The following GRM8 variants were observed in gnomAD, a reference collection of about 807,000 sequenced individuals.
GRM8 encodes the protein glutamate metabotropic receptor 8.
GRM8 carries 47 observed loss-of-function variants against 87.2 expected under a neutral mutation model. That is an observed-to-expected ratio of 0.54 (90% confidence interval 0.43 to 0.69). The LOEUF (loss-of-function observed/expected upper bound fraction) is 0.69. Among genes scored for constraint, GRM8 ranks in the 30% least tolerant of loss-of-function variants. GRM8 has a pLI of 0.00. For missense variants in GRM8, 1,019 were observed against 1,139.2 expected (o/e 0.89, Z 1.52); for synonymous variants, 396 against 404.5 (o/e 0.98, Z 0.25).
intron 1 of GRM8, among the ~76,000 whole-genome samples, chr7:127,247,910 T>C (rs538606886): frequency 6.6e-6 from 1 of 152,302 alleles, no homozygotes; most frequent in South Asian, 2.1e-4. Context: ...AGTGAGAGGA[T>C]TGTGAAAGCT....
At chr7:126,626,196 G>C (rs1239588053) in intron 7 of GRM8, among the ~76,000 whole-genome samples, 1 of 151,700 alleles carries the variant, frequency 6.6e-6, no homozygotes, top group Non-Finnish European at 1.5e-5. Flanking sequence ...CTAGTCCATT[G>C]TGTTGGTGGA....
chr7:127,011,882 A>T (rs921442317), intron 3 of GRM8, among the ~76,000 whole-genome samples: 3 of 152,182 alleles, frequency 2.0e-5, no homozygotes, highest in African/African-American at 7.2e-5. Flanking sequence ...CCTCTAATCC[A>T]GCCTCTCATT....
At chr7:126,459,699 A>T (rs1484792480) in intron 9 of GRM8, among the ~76,000 whole-genome samples, 1 of 151,380 alleles carries the variant, frequency 6.6e-6, no homozygotes, top group Non-Finnish European at 1.5e-5. Context: ...GGCTCCACTC[A>T]CCCCTTATCC....
At chr7:126,911,396 A>T (rs934984382) in intron 3 of GRM8, among the ~76,000 whole-genome samples, 3 of 152,302 alleles carry the variant, frequency 2.0e-5, no homozygotes, top group African/African-American at 7.2e-5. Flanking sequence ...AGTAGTAAAG[A>T]TTTGGCTCCA....
At chr7:127,125,485 C>T (rs1380860236) in intron 2 of GRM8, among the ~76,000 whole-genome samples, 1 of 151,868 alleles carries the variant, frequency 6.6e-6, no homozygotes, top group African/African-American at 2.4e-5. Flanking sequence ...TAAAACTATA[C>T]AGCAGTACAC....
Position 126,992,806 on chromosome 7 carries a change from C to CGTGTGT in GRM8, c.728-88129_728-88124dup, listed in dbSNP as rs34876222. On this transcript the variant is annotated intron_variant, in intron 3 of 10. Transcript: ENST00000339582. The stretch of plus-strand genomic sequence containing the variant: ...CCAGAGAGCGTGCCATCTCTCTCTC[C>CGTGTGT]GTGTGTGTGTGTGTGTGTGTGTATG... Among the ~76,000 whole-genome samples the CGTGTGT allele has an allele frequency of 1.2e-4, 17 of 147,418 alleles. No homozygotes were observed. The East Asian group carries it at 2.4e-3, about 21-fold the overall frequency.
At chr7:126,978,315 C>T (rs1165223899) in intron 3 of GRM8, among the ~76,000 whole-genome samples, 1 of 152,086 alleles carries the variant, frequency 6.6e-6, no homozygotes, top group South Asian at 2.1e-4. Flanking sequence ...CCATGAAGTA[C>T]TGCAATACAA....
At chr7:126,540,949 G>A (rs541856090) in intron 8 of GRM8, among the ~76,000 whole-genome samples, 2 of 152,212 alleles carry the variant, frequency 1.3e-5, no homozygotes. Flanking sequence ...TTTAAAAAAT[G>A]TGGAGACTAT....
chr7:126,490,266 A>ATT (rs2150636016), intron 9 of GRM8, among the ~76,000 whole-genome samples: 1 of 152,154 alleles, frequency 6.6e-6, no homozygotes, highest in Admixed American at 6.5e-5. Context: ...GTTCTCTAAT[A>ATT]TGACCACCTC....
At chr7:126,921,190 C>A (rs1395407034) in intron 3 of GRM8, among the ~76,000 whole-genome samples, 4 of 152,022 alleles carry the variant, frequency 2.6e-5, no homozygotes, top group Admixed American at 2.6e-4. Flanking sequence ...TGTGTCCATG[C>A]AACAAGAATA....
intron 6 of GRM8, among the ~76,000 whole-genome samples, chr7:126,886,278 G>T (rs1325028150): frequency 6.6e-6 from 1 of 152,126 alleles, no homozygotes; most frequent in Non-Finnish European, 1.5e-5. Context: ...GAAATTTCAT[G>T]TTAGCAAAAT....
intron 2 of GRM8, among the ~76,000 whole-genome samples, chr7:127,141,058 C>A (rs1206494104): frequency 1.3e-5 from 2 of 152,032 alleles, no homozygotes; most frequent in Non-Finnish European, 2.9e-5. Flanking sequence ...CCAAATATTA[C>A]CTTCTTTGGA....
chr7:126,788,418 A>AC (rs1820884572), intron 6 of GRM8, among the ~76,000 whole-genome samples: 4 of 149,368 alleles, frequency 2.7e-5, no homozygotes, highest in Non-Finnish European at 4.4e-5. Flanking sequence ...TCAAAAAAAA[A>AC]AAAAACCCTT....
chr7:127,015,676 G>A (rs1458785812), intron 3 of GRM8, among the ~76,000 whole-genome samples: 2 of 152,068 alleles, frequency 1.3e-5, no homozygotes, highest in African/African-American at 4.8e-5. Context: ...TCCATAAAAT[G>A]ATAAAGAGAA....
chr7:126,685,174 G>A lies in GRM8; in HGVS notation c.1358-75676C>T, dbSNP rs1169842547. ...TGCTATGGGGAGTTCATGGGGAAGA[G>A]GCGAATAGTCCCTAGAGACTTCCCC... On this transcript the variant is annotated intron_variant, in intron 7 of 10. Transcript: ENST00000339582. This position sits in a 1 kb window ranked among gnomAD's most constrained non-coding sequence, Gnocchi z 4.2. Among the ~76,000 whole-genome samples the A allele has an allele frequency of 2.0e-5, 3 of 152,222 alleles. No homozygotes were observed. The highest frequency in any genetic ancestry group is 2.9e-5 in the Non-Finnish European group (2 of 68,030).
intron 3 of GRM8, among the ~76,000 whole-genome samples, chr7:127,022,167 TTTC>T (rs1044461097): frequency 2.7e-5 from 4 of 149,364 alleles, no homozygotes; most frequent in Non-Finnish European, 1.5e-5. Context: ...ACTGATAATG[TTTC>T]TTTTTTTTTT....
At chr7:126,486,752 T>A (rs1258907948) in intron 9 of GRM8, among the ~76,000 whole-genome samples, 3 of 152,074 alleles carry the variant, frequency 2.0e-5, no homozygotes, top group Non-Finnish European at 4.4e-5. Flanking sequence ...GGTAAGCCCA[T>A]TATATGTTTA....
At chr7:126,869,112 T>A (rs1053463775) in intron 6 of GRM8, 2 of 152,184 alleles carry the variant, frequency 1.3e-5, no homozygotes, top group African/African-American at 4.8e-5. Context: ...GGAAATAGAT[T>A]CCATGTCAAT....
intron 2 of GRM8, among the ~76,000 whole-genome samples, chr7:127,129,005 C>G (rs1287960824): frequency 6.6e-6 from 1 of 152,096 alleles, no homozygotes; most frequent in Non-Finnish European, 1.5e-5. Context: ...ACTGCATTAT[C>G]AATATTAATC....
Sources: allele counts gnomAD v4.1 joint callset (sites outside exome capture counted in the v4.1 genomes callset), GRCh38; gene constraint gnomAD v4.1.1; non-coding constraint Gnocchi (gnomAD v3.1); transcripts MANE v1.5; gene names NCBI Gene and HGNC (gene_info 2026-07-23, HGNC 2026-07-21).